Variants in GABRG3 observed in about 807,000 individuals in gnomAD.
The protein encoded by GABRG3 is gamma-aminobutyric acid type A receptor subunit gamma3, also known as gamma-aminobutyric acid receptor subunit gamma-3.
A neutral mutation model predicts 48.8 loss-of-function variants in GABRG3; 25 were observed. The observed-to-expected ratio is 0.51, with a 90% CI of 0.37 to 0.72. GABRG3 has a LOEUF of 0.72. GABRG3 is among the 30% of genes least tolerant of loss of function. GABRG3 has a pLI of 0.00. For missense variants in GABRG3, 394 were observed against 577.9 expected, an observed-to-expected ratio of 0.68 and a Z score of 3.26; for synonymous variants, 227 against 217.6, an observed-to-expected ratio of 1.04 and a Z score of -0.38.
rs1896743256 is a variant in GABRG3, at chr15:27,066,683, C to T, written c.270+39862C>T. Among the ~76,000 whole-genome samples, 3 of 152,010 alleles carry T rather than the reference C, an allele frequency of 2.0e-5. No homozygotes were observed. The South Asian group carries it at 6.3e-4, about 32-fold the overall frequency. ...GCTGACCACAGAGAGAGGCCAGAGCCTGATCAGCATTCAGGAGGTCATATG... is the reference window on the plus strand; with the variant it reads ...GCTGACCACAGAGAGAGGCCAGAGCTTGATCAGCATTCAGGAGGTCATATG... On this transcript the variant is annotated intron_variant, in intron 3 of 9. Transcript: ENST00000615808.
intron 3 of GABRG3, among the ~76,000 whole-genome samples, chr15:27,264,591 T>G (rs1890861952): frequency 6.9e-6 from 1 of 144,250 alleles, no homozygotes. Context: ...GTCAAAAAAT[T>G]TATAAAAAAC....
At chr15:27,284,520 A>T (rs1029243970) in intron 3 of GABRG3, among the ~76,000 whole-genome samples, 9 of 152,160 alleles carry the variant, frequency 5.9e-5, no homozygotes, top group African/African-American at 2.2e-4. Flanking sequence ...TCTCTCTCTC[A>T]CACACACTGT....
At chr15:27,309,248 A>T (rs1892911496) in intron 3 of GABRG3, among the ~76,000 whole-genome samples, 1 of 151,602 alleles carries the variant, frequency 6.6e-6, no homozygotes, top group Non-Finnish European at 1.5e-5. Flanking sequence ...TTATATATAA[A>T]CACACATATA....
intron 5 of GABRG3, among the ~76,000 whole-genome samples, chr15:27,360,940 G>GT (rs1895003613): frequency 6.6e-6 from 1 of 152,214 alleles, no homozygotes; most frequent in Non-Finnish European, 1.5e-5. Flanking sequence ...CTCATGAGCA[G>GT]TGTGAGCCTG....
chr15:27,483,936 T>G (rs1399846591), intron 6 of GABRG3, among the ~76,000 whole-genome samples: 3 of 152,100 alleles, frequency 2.0e-5, no homozygotes, highest in African/African-American at 4.8e-5. Flanking sequence ...ATCACATACT[T>G]TTTTTTCTTT....
At chr15:27,181,342 A>C (rs984595993) in intron 3 of GABRG3, among the ~76,000 whole-genome samples, 1 of 152,124 alleles carries the variant, frequency 6.6e-6, no homozygotes. Context: ...ACCCATGCAC[A>C]CCTTTATTTG....
chr15:27,479,737 C>T (rs567797148), intron 5 of GABRG3, among the ~76,000 whole-genome samples: 3 of 152,296 alleles, frequency 2.0e-5, no homozygotes, highest in South Asian at 2.1e-4. Flanking sequence ...AATGCTGTCA[C>T]GTGTTGCCAA....
intron 3 of GABRG3, among the ~76,000 whole-genome samples, chr15:27,187,450 A>G (rs1033438558): frequency 2.6e-5 from 4 of 152,126 alleles, no homozygotes; most frequent in Admixed American, 6.6e-5. Flanking sequence ...AGAAAATGGC[A>G]TTGGTAGTTT....
chr15:27,254,985 T>C (rs1382162601), intron 3 of GABRG3, among the ~76,000 whole-genome samples: 1 of 152,126 alleles, frequency 6.6e-6, no homozygotes, highest in African/African-American at 2.4e-5. Context: ...TGATACCCCC[T>C]GCACCAGATG....
rs1312292814 is a variant in GABRG3, at chr15:27,469,988, G to A, written c.575-10662G>A. ...TCTGGTGCTCCCAGATTCATCGGAC[G>A]CTGTGAAGTGGCATATTCTAATTAT... On this transcript the variant is annotated intron_variant, in intron 5 of 9. Coordinates refer to ENST00000615808, the MANE Select transcript of GABRG3 (RefSeq NM_033223.5). 2.0e-5 allele frequency among the ~76,000 whole-genome samples: 3 copies of A among 152,262 alleles called. No individual in the cohort carries two copies. The East Asian group carries it at 5.8e-4, about 29-fold the overall frequency.
intron 3 of GABRG3, among the ~76,000 whole-genome samples, chr15:27,221,849 T>C (rs1049681582): frequency 1.3e-5 from 2 of 152,218 alleles, no homozygotes; most frequent in African/African-American, 4.8e-5. Flanking sequence ...ATAAAGATGA[T>C]GAAGATGCTG....
At chr15:27,508,971 G>T (rs188288961) in intron 6 of GABRG3, among the ~76,000 whole-genome samples, 4,053 of 151,998 alleles carry the variant, frequency 0.027, 174 homozygotes, top group African/African-American at 0.093. Flanking sequence ...CGCCCGCCTT[G>T]GCCTCCTAAA....
intron 3 of GABRG3, among the ~76,000 whole-genome samples, chr15:27,158,923 T>A (rs962138989): frequency 2.0e-5 from 3 of 152,156 alleles, no homozygotes; most frequent in African/African-American, 7.2e-5. Context: ...AGCCATCATA[T>A]TCCTCACCCA....
chr15:27,516,326 C>A (rs1306662917), intron 6 of GABRG3, among the ~76,000 whole-genome samples: 1 of 152,102 alleles, frequency 6.6e-6, no homozygotes, highest in Non-Finnish European at 1.5e-5. Context: ...TGGAAATATA[C>A]TTCAATATAG....
intron 3 of GABRG3, among the ~76,000 whole-genome samples, chr15:27,221,175 G>A (rs1473345846): frequency 2.0e-5 from 3 of 151,990 alleles, no homozygotes; most frequent in African/African-American, 4.8e-5. Flanking sequence ...GAGAGAGATC[G>A]ACCTGTTCAG....
intron 3 of GABRG3, among the ~76,000 whole-genome samples, chr15:27,030,696 C>CACTT (rs10648433): frequency 0.65 from 97,839 of 151,570 alleles, 31,639 homozygotes; most frequent in East Asian, 0.68. Flanking sequence ...AATGTTCTGA[C>CACTT]ACTCTGTGCT....
chr15:27,401,272 A>G (rs747226423), intron 5 of GABRG3, among the ~76,000 whole-genome samples: 1 of 152,176 alleles, frequency 6.6e-6, no homozygotes, highest in Non-Finnish European at 1.5e-5. Context: ...TAGTAGGATT[A>G]TCGTTTACAT....
At chr15:27,313,256 GTGTGTGTATATATATATA>G (rs1349261241) in intron 3 of GABRG3, among the ~76,000 whole-genome samples, 8 of 57,464 alleles carry the variant, frequency 1.4e-4, no homozygotes, top group African/African-American at 6.2e-4. Flanking sequence ...GTGTGTGTGT[GTGTGTGTATATATATATA>G]TATATATATA....
chr15:27,446,963 G>C (rs1457784301), intron 5 of GABRG3, among the ~76,000 whole-genome samples: 2 of 152,152 alleles, frequency 1.3e-5, no homozygotes, highest in East Asian at 1.9e-4. Flanking sequence ...TCTCCACACA[G>C]AGTTAGCTTT....
Sources: gnomAD v4.1 joint callset for allele counts (sites outside exome capture counted in the v4.1 genomes callset) on GRCh38, gnomAD v4.1.1 for gene constraint, MANE v1.5 for transcripts, NCBI Gene and HGNC (gene_info 2026-07-23, HGNC 2026-07-21) for gene names.